TNIK: variants seen among roughly 807,000 people sequenced by gnomAD.
The protein encoded by TNIK is TRAF2 and NCK interacting kinase.
In TNIK, 49 loss-of-function variants were observed where a neutral mutation model predicts 191.3. The observed-to-expected ratio is 0.26, with a 90% CI of 0.20 to 0.32. TNIK has a LOEUF of 0.32. Ranked by LOEUF, TNIK falls within the 10% of genes least tolerant of loss-of-function variation. The pLI, the probability that TNIK is intolerant of heterozygous loss-of-function variation, is 1.00. For synonymous variants in TNIK, 594 were observed against 600.9 expected (o/e 0.99, Z 0.17); for missense variants, 1,155 against 1,702.3 (o/e 0.68, Z 5.66).
At chr3:171,271,395 CT>C (rs963866324) in intron 2 of TNIK, among the ~76,000 whole-genome samples, 1 of 152,208 alleles carries the variant, frequency 6.6e-6, no homozygotes, top group African/African-American at 2.4e-5. Context: ...ATCCAGACAA[CT>C]TTCAAACATC....
chr3:171,337,653 C>A (rs945094930), intron 2 of TNIK, among the ~76,000 whole-genome samples: 2 of 152,212 alleles, frequency 1.3e-5, no homozygotes, highest in African/African-American at 2.4e-5. Context: ...CTGACTGGAT[C>A]TTCTGTGATC....
intron 2 of TNIK, among the ~76,000 whole-genome samples, chr3:171,262,910 T>C (rs554376965): frequency 8.5e-5 from 13 of 152,302 alleles, no homozygotes; most frequent in East Asian, 1.9e-4. Context: ...CAAAAATCCA[T>C]TGGAGGTGTC....
intron 1 of TNIK, among the ~76,000 whole-genome samples, chr3:171,458,163 A>AC (rs1728991990): frequency 1.2e-5 from 1 of 83,480 alleles, no homozygotes; most frequent in African/African-American, 4.7e-5. Context: ...CCCCACCCCG[A>AC]CCTCCGACCG....
Position 171,140,412 on chromosome 3 carries a change from G to C in TNIK, c.1319C>G (p.Ala440Gly). 1.3e-6 allele frequency: 2 copies of C among 1,598,468 alleles called. No homozygotes were observed. The highest frequency in any genetic ancestry group is 1.7e-6 in the Non-Finnish European group (2 of 1,172,446). Residue 440 changes from alanine to glycine, a missense_variant, in exon 13 of 33, where the codon GCG (alanine) becomes GGG (glycine). Ala to Gly is a moderately conservative substitution (Grantham distance 60). Transcript: ENST00000436636. ...QMRREEERRR[A>G]EHEQEYIRRQ... ...TCCCAGCTGTACCTGTTCATGCTCCGCACGCCTCCTCTCCTCCTCCCGGCG... is the reference window on the plus strand; with the variant it reads ...TCCCAGCTGTACCTGTTCATGCTCCCCACGCCTCCTCTCCTCCTCCCGGCG...
At chr3:171,192,346 G>C (rs1738161884) in intron 5 of TNIK, among the ~76,000 whole-genome samples, 1 of 152,188 alleles carries the variant, frequency 6.6e-6, no homozygotes, top group Non-Finnish European at 1.5e-5. Flanking sequence ...CCAGAGCATG[G>C]AAGTGAGCCA....
intron 22 of TNIK, among the ~76,000 whole-genome samples, chr3:171,098,047 T>G (rs1479066750): frequency 6.6e-6 from 1 of 152,226 alleles, no homozygotes; most frequent in African/African-American, 2.4e-5. Context: ...TATTCTACCC[T>G]ACAGGAGGGA....
chr3:171,262,003 C>T (rs1482683087), intron 2 of TNIK, among the ~76,000 whole-genome samples: 2 of 152,056 alleles, frequency 1.3e-5, no homozygotes, highest in African/African-American at 4.8e-5. Context: ...TATTTATAAC[C>T]TTTTCAATCC....
At chr3:171,374,012 C>T (rs1716889305) in intron 1 of TNIK, among the ~76,000 whole-genome samples, 1 of 152,198 alleles carries the variant, frequency 6.6e-6, no homozygotes, top group Admixed American at 6.5e-5. Flanking sequence ...ACATATTTAT[C>T]TTGGTATTTC....
chr3:171,428,664 C>A (rs561360333), intron 1 of TNIK, among the ~76,000 whole-genome samples: 2 of 150,782 alleles, frequency 1.3e-5, no homozygotes, highest in Non-Finnish European at 3.0e-5. Context: ...AGAGCACTCC[C>A]GCAGGGCAAC....
rs1717782683 is a variant in TNIK at position 171,061,112 on chromosome 3, G to A, written c.*2769C>T. ...TTAAGGCAATTCAGAAAGTTTGGAT[G>A]AGCCACAAGGACACCATTCTGACGT... is the stretch of plus-strand genomic sequence containing the variant. On this transcript the variant is annotated 3_prime_UTR_variant, in exon 33 of 33. Transcript: ENST00000436636. Among the ~76,000 whole-genome samples, 1 of 152,154 alleles carries A rather than the reference G, an allele frequency of 6.6e-6. No homozygotes were observed. The highest frequency in any genetic ancestry group is 1.5e-5 in the Non-Finnish European group (1 of 68,018).
At chr3:171,440,134 C>T (rs967279678) in intron 1 of TNIK, among the ~76,000 whole-genome samples, 1 of 152,186 alleles carries the variant, frequency 6.6e-6, no homozygotes, top group Admixed American at 6.5e-5. Context: ...AGCCTCCACC[C>T]AGTTCTGCAG....
At position 171,060,769 on chromosome 3, in the gene TNIK, C is replaced by A. The variant is rs193210966; in HGVS notation, c.*3112G>T. 3.3e-5 allele frequency among the ~76,000 whole-genome samples: 5 copies of A among 152,234 alleles called. No individual in the cohort carries two copies. Among genetic ancestry groups the A allele is most frequent in the Admixed American group, 2.6e-4 (4 of 15,286 alleles). The stretch of plus-strand genomic sequence containing the variant: ...CCACCACTGGATGCAGGAATCCATG[C>A]TACAGTATCTTTGACTGGCACCCAG... On this transcript the variant is annotated 3_prime_UTR_variant, in exon 33 of 33. Coordinates refer to ENST00000436636, the MANE Select transcript of TNIK (RefSeq NM_015028.4).
chr3:171,186,899 A>C (rs1737433622), intron 7 of TNIK, among the ~76,000 whole-genome samples: 2 of 152,214 alleles, frequency 1.3e-5, no homozygotes, highest in Non-Finnish European at 2.9e-5. Flanking sequence ...CTGAGGAAAG[A>C]GGACCAAAAT....
chr3:171,195,884 C>A (rs1738622074), intron 4 of TNIK, among the ~76,000 whole-genome samples: 2 of 151,902 alleles, frequency 1.3e-5, no homozygotes. Flanking sequence ...ATGTAATAGC[C>A]CAGAAACTAT....
intron 2 of TNIK, among the ~76,000 whole-genome samples, chr3:171,344,161 C>G (rs1188839790): frequency 4.6e-5 from 7 of 152,150 alleles, no homozygotes; most frequent in African/African-American, 1.7e-4. Context: ...TTGCATTTCT[C>G]TTTATATGAT....
At chr3:171,396,361 T>G (rs1720254464) in intron 1 of TNIK, among the ~76,000 whole-genome samples, 1 of 152,256 alleles carries the variant, frequency 6.6e-6, no homozygotes, top group Non-Finnish European at 1.5e-5. Context: ...CATCAGTTGA[T>G]GGACATTGTA....
At chr3:171,275,259 G>T (rs1333083819) in intron 2 of TNIK, among the ~76,000 whole-genome samples, 2 of 152,178 alleles carry the variant, frequency 1.3e-5, no homozygotes, top group Admixed American at 1.3e-4. Context: ...CAAGGCAGCT[G>T]TTTAATGGCT....
intron 1 of TNIK, among the ~76,000 whole-genome samples, chr3:171,416,890 T>C (rs145256343): frequency 7.2e-5 from 11 of 152,384 alleles, no homozygotes; most frequent in Admixed American, 7.2e-4. Flanking sequence ...GCCACTAAAT[T>C]GTAAATTCCC....
intron 2 of TNIK, among the ~76,000 whole-genome samples, chr3:171,286,840 T>C (rs1751060247): frequency 6.6e-6 from 1 of 152,250 alleles, no homozygotes; most frequent in South Asian, 2.1e-4. Flanking sequence ...AAGAGCTCTG[T>C]GTGCTGTTAT....
Sources: gnomAD v4.1 joint callset for allele counts (sites outside exome capture counted in the v4.1 genomes callset) on GRCh38, gnomAD v4.1.1 for gene constraint, MANE v1.5 for transcripts, NCBI Gene and HGNC (gene_info 2026-07-23, HGNC 2026-07-21) for gene names.